Variants in GALNT17 observed in about 807,000 individuals in gnomAD.
GALNT17 encodes UDP-GalNAc:polypeptide N-acetylgalactosaminyltransferase-like 3.
Under a neutral mutation model 63.7 loss-of-function variants are expected in GALNT17, and 29 were observed. The ratio of observed to expected loss-of-function variants is 0.46; its 90% CI spans 0.34 to 0.62. The LOEUF is 0.62. GALNT17 is among the 20% of genes least tolerant of loss of function. The pLI is 0.01. For synonymous variants in GALNT17, 305 were observed against 318.3 expected (o/e 0.96, Z 0.45); for missense variants, 603 against 799.6 (o/e 0.75, Z 2.97).
chr7:71,187,290 T>C (rs535043204), intron 1 of GALNT17, among the ~76,000 whole-genome samples: 82 of 144,596 alleles, frequency 5.7e-4, no homozygotes, highest in East Asian at 1.9e-3. Flanking sequence ...TTCTTTCTTT[T>C]TTTTTTTTTT....
chr7:71,369,811 CAAAAAAAAAAAAAAA>C (rs763387719), intron 2 of GALNT17, among the ~76,000 whole-genome samples: 1 of 72,136 alleles, frequency 1.4e-5, no homozygotes, highest in Non-Finnish European at 2.9e-5. Context: ...GGCTTTTTGT[CAAAAAAAAAAAAAAA>C]AAAAAAAAAA....
chr7:71,310,720 G>C (rs1791400592), intron 1 of GALNT17, among the ~76,000 whole-genome samples: 1 of 152,212 alleles, frequency 6.6e-6, no homozygotes, highest in Non-Finnish European at 1.5e-5. Context: ...AATCCTTCCA[G>C]AATCTTTTCA....
intron 1 of GALNT17, among the ~76,000 whole-genome samples, chr7:71,200,620 T>A (rs963730632): frequency 2.6e-5 from 4 of 152,202 alleles, no homozygotes; most frequent in Admixed American, 6.5e-5. Flanking sequence ...CATCTTTATT[T>A]AAACACATGG....
chr7:71,690,117 T>C (rs1330178185), intron 9 of GALNT17, among the ~76,000 whole-genome samples: 2 of 151,540 alleles, frequency 1.3e-5, no homozygotes, highest in Non-Finnish European at 2.9e-5. Context: ...CTCCGACTCC[T>C]GGGTTCAGGC....
At chr7:71,527,111 G>T (rs4421255) in intron 5 of GALNT17, among the ~76,000 whole-genome samples, 8,116 of 152,074 alleles carry the variant, frequency 0.053, 449 homozygotes, top group African/African-American at 0.14. Context: ...AGGCATTCAG[G>T]CTGTTTTTGT....
rs200709403 is a variant in GALNT17 at position 71,677,313 on chromosome 7, G to T, written c.1500+7G>T. On this transcript the variant is annotated splice_region_variant and intron_variant, in intron 9 of 10. Transcript: ENST00000333538. ...CCATGGCTGGGGACCACAGGTAGGA[G>T]CTCGTCTCTGACCAGGAAGGAAGTA... 91 of 1,612,970 alleles carry T rather than the reference G, an allele frequency of 5.6e-5. 2 individuals carry two copies. The East Asian group carries it at 9.1e-4, about 16-fold the overall frequency.
chr7:71,162,357 T>C (rs1472868719), intron 1 of GALNT17, among the ~76,000 whole-genome samples: 1 of 147,128 alleles, frequency 6.8e-6, no homozygotes. Flanking sequence ...TTAGAATCTT[T>C]CCCCTGAATG....
chr7:71,376,427 T>TTTTG, intron 2 of GALNT17, among the ~76,000 whole-genome samples: 3 of 11,258 alleles, frequency 2.7e-4, no homozygotes, highest in African/African-American at 1.4e-3. Context: ...TTGGAGTTGT[T>TTTTG]TTTTTTTTTT....
intron 6 of GALNT17, among the ~76,000 whole-genome samples, chr7:71,619,477 T>C (rs1790261743): frequency 6.6e-6 from 1 of 152,224 alleles, no homozygotes; most frequent in Admixed American, 6.5e-5. Context: ...TTCAGCAGTG[T>C]TTTCTAGTTC....
chr7:71,404,740 T>A (rs182095178), intron 3 of GALNT17, among the ~76,000 whole-genome samples: 1 of 152,290 alleles, frequency 6.6e-6, no homozygotes, highest in Non-Finnish European at 1.5e-5. Context: ...CAGAGCTTCA[T>A]TGTATTGTTT....
intron 1 of GALNT17, among the ~76,000 whole-genome samples, chr7:71,244,519 CT>C (rs1351801618): frequency 2.6e-5 from 4 of 152,154 alleles, no homozygotes; most frequent in Admixed American, 2.6e-4. Flanking sequence ...CATCCCACTC[CT>C]TTATCCCCAT....
chr7:71,450,826 CT>C (rs1365977902), intron 5 of GALNT17, among the ~76,000 whole-genome samples: 2 of 152,080 alleles, frequency 1.3e-5, no homozygotes, highest in Non-Finnish European at 2.9e-5. Context: ...GGCTTGAGTG[CT>C]TTTCTAAGAG....
intron 3 of GALNT17, among the ~76,000 whole-genome samples, chr7:71,388,753 C>T (rs559887866): frequency 3.3e-5 from 5 of 152,154 alleles, no homozygotes; most frequent in African/African-American, 1.2e-4. Flanking sequence ...TCTCGAACTC[C>T]TGAACTCAGG....
At chr7:71,346,007 A>C (rs1792088305) in intron 2 of GALNT17, among the ~76,000 whole-genome samples, 1 of 144,056 alleles carries the variant, frequency 6.9e-6, no homozygotes, top group African/African-American at 2.7e-5. Context: ...ACACAGTGAG[A>C]CCTGTCTCTA....
At position 71,676,659 on chromosome 7, in the gene GALNT17, C is replaced by A. The variant is rs140573581; in HGVS notation, c.1405-552C>A. ...CCTCCCAAAGTGCTGGGATTACAGGCGTGAGCCACCGCATCCAGCCTAATT... is the reference window on the plus strand; with the variant it reads ...CCTCCCAAAGTGCTGGGATTACAGGAGTGAGCCACCGCATCCAGCCTAATT... On this transcript the variant is annotated intron_variant, in intron 8 of 10. Transcript: ENST00000333538. Among the ~76,000 whole-genome samples the A allele has an allele frequency of 7.5e-3, 1,148 of 152,248 alleles. 23 individuals carry two copies. Among genetic ancestry groups the A allele is most frequent in the Admixed American group, 0.03 (460 of 15,278 alleles).
intron 1 of GALNT17, among the ~76,000 whole-genome samples, chr7:71,164,777 A>G (rs903331726): frequency 2.0e-5 from 3 of 152,184 alleles, no homozygotes; most frequent in Non-Finnish European, 2.9e-5. Flanking sequence ...GAGGTTATCT[A>G]AAGACGATTG....
At chr7:71,565,621 A>G (rs537367190) in intron 5 of GALNT17, among the ~76,000 whole-genome samples, 13 of 151,998 alleles carry the variant, frequency 8.6e-5, no homozygotes, top group Non-Finnish European at 1.2e-4. Flanking sequence ...CATTCACTCA[A>G]CAGTATTTGG....
At chr7:71,152,610 C>G (rs956944319) in intron 1 of GALNT17, among the ~76,000 whole-genome samples, 5 of 152,056 alleles carry the variant, frequency 3.3e-5, no homozygotes, top group Admixed American at 6.6e-5. Context: ...GAGATAGGCT[C>G]TAATGTTAAT....
intron 6 of GALNT17, among the ~76,000 whole-genome samples, chr7:71,638,403 A>G (rs955524276): frequency 6.6e-6 from 1 of 152,132 alleles, no homozygotes; most frequent in African/African-American, 2.4e-5. Flanking sequence ...CCTATTCAAG[A>G]TGGAGTTGCT....
Sources: gnomAD v4.1 joint callset for allele counts (sites outside exome capture counted in the v4.1 genomes callset) on GRCh38, gnomAD v4.1.1 for gene constraint, MANE v1.5 for transcripts, NCBI Gene and HGNC (gene_info 2026-07-23, HGNC 2026-07-21) for gene names.